The following SETD2 variants were observed in gnomAD, a reference collection of about 807,000 sequenced individuals.
The protein encoded by SETD2 is SET domain containing 2, histone lysine methyltransferase.
SETD2 carries 31 observed loss-of-function variants against 242.1 expected under a neutral mutation model. The observed-to-expected ratio is 0.13, with a 90% CI of 0.10 to 0.17. The LOEUF is 0.17. SETD2 is among the 10% of genes least tolerant of loss of function. The pLI is 1.00. For missense variants in SETD2, 2,481 were observed against 3,046.3 expected (o/e 0.81, Z 4.37); for synonymous variants, 1,006 against 1,066.5 (o/e 0.94, Z 1.11).
At chr3:47,090,406 T>G (rs747444333) in intron 9 of SETD2, among the ~76,000 whole-genome samples, 4 of 152,154 alleles carry the variant, frequency 2.6e-5, no homozygotes, top group Non-Finnish European at 5.9e-5. Flanking sequence ...TTTTATTTTT[T>G]TGAGATGGAG....
chr3:47,121,337 T>C lies in SETD2; in HGVS notation c.3299A>G (p.His1100Arg). The change falls in exon 3 of 21, where the codon CAT (histidine) becomes CGT (arginine). Residue 1100 changes from histidine to arginine, a missense_variant. By Grantham distance (29) the His-to-Arg change is conservative. This residue lies in a region of SETD2 where 1,300 missense variants were observed against 1,259.2 expected (regional missense o/e 1.03). Transcript: ENST00000409792. ...TGACTCCAATCTCTCATCTTCCCAA[T>C]GGTCAGAATAGTGTCTATAACTTTG... ...SSQSYRHYSD[H>R]WEDERLESRR... 5 of 1,610,862 alleles carry C rather than the reference T, an allele frequency of 3.1e-6. No individual in the cohort carries two copies. Among genetic ancestry groups the C allele is most frequent in the Non-Finnish European group, 4.2e-6 (5 of 1,180,008 alleles).
At chr3:47,098,795 C>CA (rs1332937462) in intron 8 of SETD2, among the ~76,000 whole-genome samples, 1 of 151,026 alleles carries the variant, frequency 6.6e-6, no homozygotes. Context: ...GACTCTGTCT[C>CA]AAAAAAATAA....
In SETD2 at chr3:47,121,582, T is replaced by C. The variant is rs192593730; in HGVS notation, c.3054A>G (p.Ala1018=). ...CATGACCACTACTGTCACACTTTAA[T>C]GCATAAGTTACACCATCACTGTCTT... ...TMEDSDGVTY[A]LKCDSSGHAP... is the part of the protein sequence containing the mutation. The change falls in exon 3 of 21, where the codon GCA becomes GCG. Residue 1018 remains alanine, a synonymous_variant. Coordinates refer to ENST00000409792, the MANE Select transcript of SETD2 (RefSeq NM_014159.7). The C allele has an allele frequency of 3.1e-6, 5 of 1,614,140 alleles. No individual in the cohort carries two copies. Among genetic ancestry groups the C allele is most frequent in the African/African-American group, 2.7e-5 (2 of 75,060 alleles).
At chr3:47,126,794 A>G in intron 1 of SETD2, 131 bp from the exon 2 acceptor site, 5 of 556,592 alleles carry the variant, frequency 9.0e-6, no homozygotes, top group Non-Finnish European at 1.6e-5. Flanking sequence ...TTCTATATGG[A>G]TTGTCCATTC....
chr3:47,139,219 C>T (rs1018261405), intron 1 of SETD2, among the ~76,000 whole-genome samples: 1 of 152,138 alleles, frequency 6.6e-6, no homozygotes, highest in Non-Finnish European at 1.5e-5. Flanking sequence ...TACACACATA[C>T]CACATCACCC....
intron 1 of SETD2, among the ~76,000 whole-genome samples, chr3:47,148,020 T>G (rs1382849557): frequency 6.6e-6 from 1 of 152,004 alleles, no homozygotes; most frequent in African/African-American, 2.4e-5. Context: ...AATTAAAGTA[T>G]TATACTCATT....
chr3:47,161,925 A>G (rs1382471142), intron 1 of SETD2, among the ~76,000 whole-genome samples: 5 of 151,694 alleles, frequency 3.3e-5, no homozygotes, highest in African/African-American at 7.3e-5. Context: ...AAAAAAAAAA[A>G]GGAAAAAATA....
chr3:47,099,971 T>G (rs1318492319), intron 8 of SETD2, among the ~76,000 whole-genome samples: 1 of 152,074 alleles, frequency 6.6e-6, no homozygotes, highest in Non-Finnish European at 1.5e-5. Flanking sequence ...TTTGCTTTTT[T>G]GTTTTTGTTT....
chr3:47,027,794 G>T lies in SETD2; in HGVS notation c.7351-7954C>A, dbSNP rs1005600893. ...GCTGCTGCTGCTGGTTTTTTTTTTT[G>T]TTTTTGTTTTTTTTTTTGAGATGGA... On this transcript the variant is annotated intron_variant, in intron 18 of 20. Transcript: ENST00000409792. Among the ~76,000 whole-genome samples, 31 of 149,746 alleles carry T rather than the reference G, an allele frequency of 2.1e-4. 1 individual carries two copies. The highest frequency in any genetic ancestry group is 6.4e-4 in the African/African-American group (26 of 40,354).
At chr3:47,036,321 G>A (rs1342499984) in intron 18 of SETD2, among the ~76,000 whole-genome samples, 1 of 152,144 alleles carries the variant, frequency 6.6e-6, no homozygotes, top group Non-Finnish European at 1.5e-5. Context: ...TTGGGAGGCT[G>A]AAGCAGCCAG....
In SETD2 at chr3:47,141,859, T is replaced by A. The variant is rs538290931; in HGVS notation, c.72-15196A>T. On this transcript the variant is annotated intron_variant, in intron 1 of 20. Transcript: ENST00000409792. ...TTTATTTTCTGGTTTTGGTAAAGAG[T>A]TTAAGCATTTTTTTTTCATTGTAAT... Among the ~76,000 whole-genome samples the A allele has an allele frequency of 9.2e-5, 14 of 151,982 alleles. No individual in the cohort carries two copies. The East Asian group carries it at 2.7e-3, about 29-fold the overall frequency.
rs781188306 is a variant in SETD2 at position 47,046,599 on chromosome 3, TGAA to T, written c.6983_6985del (p.Leu2328del). On this transcript the variant is annotated inframe_deletion, in exon 16 of 21. Transcript: ENST00000409792. ...GAAAATCTGTTGCCCCTGGATATAC[TGAA>T]GACTTGGCTGGGCATAACTCTAAAA... 1 of 1,611,756 alleles carries T rather than the reference TGAA, an allele frequency of 6.2e-7. No homozygotes were observed. The highest frequency in any genetic ancestry group is 8.5e-7 in the Non-Finnish European group (1 of 1,178,918).
At chr3:47,054,319 T>A (rs542092481) in intron 15 of SETD2, among the ~76,000 whole-genome samples, 1 of 152,306 alleles carries the variant, frequency 6.6e-6, no homozygotes, top group East Asian at 1.9e-4. Context: ...ATAAATGGAT[T>A]TTATTTTATA....
chr3:47,040,040 G>A (rs899713259), intron 17 of SETD2, among the ~76,000 whole-genome samples: 6 of 150,732 alleles, frequency 4.0e-5, no homozygotes, highest in African/African-American at 7.3e-5. Context: ...GCAGTAGCGC[G>A]ATCTCAGCTA....
At chr3:47,131,614 T>C (rs574326188) in intron 1 of SETD2, among the ~76,000 whole-genome samples, 1 of 152,252 alleles carries the variant, frequency 6.6e-6, no homozygotes, top group Admixed American at 6.5e-5. Flanking sequence ...GTGCTGGGAT[T>C]ACAGGCGTGA....
At chr3:47,061,640 T>C (rs1429162496) in intron 14 of SETD2, among the ~76,000 whole-genome samples, 1 of 152,136 alleles carries the variant, frequency 6.6e-6, no homozygotes, top group Non-Finnish European at 1.5e-5. Context: ...ATATAAATGC[T>C]TTATCTCAAT....
At chr3:47,105,444 T>C (rs189523365) in intron 6 of SETD2, among the ~76,000 whole-genome samples, 34 of 148,652 alleles carry the variant, frequency 2.3e-4, no homozygotes, top group Non-Finnish European at 4.6e-4. Flanking sequence ...CTGGGGGTCA[T>C]CAATAATTTC....
chr3:47,037,736 T>C lies in SETD2; in HGVS notation c.7280A>G (p.Asp2427Gly). The change falls in exon 18 of 21, where the codon GAT becomes GGT. Residue 2427 changes from aspartate to glycine, a missense_variant. By Grantham distance (94) the Asp-to-Gly change is moderately conservative (BLOSUM62 -1). Coordinates refer to ENST00000409792, the MANE Select transcript of SETD2 (RefSeq NM_014159.7). Reference protein sequence around the residue: ...WDPPTWESPGDDASLEHEAEM... With the variant: ...WDPPTWESPGGDASLEHEAEM... ...AGCTTCATGCTCAAGGCTGGCATCATCTCCTGGGCTTTCCCAAGTAGGAGG... is the reference window on the plus strand; with the variant it reads ...AGCTTCATGCTCAAGGCTGGCATCACCTCCTGGGCTTTCCCAAGTAGGAGG... 6.2e-7 allele frequency: 1 copy of C among 1,613,792 alleles called. No homozygotes were observed. Among genetic ancestry groups the C allele is most frequent in the Non-Finnish European group, 8.5e-7 (1 of 1,179,816 alleles).
chr3:47,062,136 A>ACAAAAG (rs1302105877), intron 14 of SETD2, 27 bp downstream of exon 14: 45 of 1,595,686 alleles, frequency 2.8e-5, no homozygotes, highest in Non-Finnish European at 3.7e-5. Flanking sequence ...AAAAACAAAA[A>ACAAAAG]CAAAAAAACT....
Sources: gnomAD v4.1 joint callset for allele counts (sites outside exome capture counted in the v4.1 genomes callset) on GRCh38, gnomAD v4.1.1 for gene constraint, gnomAD v4.1.1 regional missense constraint, MANE v1.5 for transcripts, NCBI Gene and HGNC (gene_info 2026-07-23, HGNC 2026-07-21) for gene names.